The following ZNF92 variants were observed in gnomAD, a reference collection of about 807,000 sequenced individuals.
ZNF92 encodes the protein epididymis luminal protein 203.
Under a neutral mutation model 12.4 loss-of-function variants are expected in ZNF92, and 11 were observed. The observed-to-expected ratio is 0.89, with a 90% CI of 0.56 to 1.47. The LOEUF (loss-of-function observed/expected upper bound fraction) is 1.47, where lower values mean the gene tolerates loss of function less well. Among genes scored for constraint, ZNF92 ranks in the 40% most tolerant of loss-of-function variants. The pLI, the probability that ZNF92 is intolerant of heterozygous loss-of-function variation, is 0.00. For synonymous variants in ZNF92, 206 were observed against 228.6 expected (o/e 0.90, Z 0.89); for missense variants, 622 against 681.0 (o/e 0.91, Z 0.96).
In ZNF92 at chr7:65,399,748, C is replaced by G. The variant is rs1403653805; in HGVS notation, c.1634C>G (p.Ala545Gly). 5 of 1,613,414 alleles carry G rather than the reference C, an allele frequency of 3.1e-6. No individual in the cohort carries two copies. The African/African-American group carries it at 6.7e-5, about 22-fold the overall frequency. The change falls in exon 4 of 4, where the codon GCC becomes GGC. Residue 545 changes from alanine (A) to glycine (G), a missense_variant. Ala to Gly is a moderately conservative substitution (Grantham distance 60, BLOSUM62 0). Coordinates refer to ENST00000328747, the MANE Select transcript of ZNF92 (RefSeq NM_152626.4). ...KPYKYEECDK[A>G]FNKFSTLITH... ...TACAAATATGAAGAATGTGACAAAG[C>G]CTTTAACAAGTTCTCAACCCTTATT...
At chr7:65,394,413 G>C (rs145058352) in intron 3 of ZNF92, among the ~76,000 whole-genome samples, 1 of 151,932 alleles carries the variant, frequency 6.6e-6, no homozygotes, top group East Asian at 1.9e-4. Context: ...CTCTTTATCT[G>C]TCTTTGTGTC....
intron 2 of ZNF92, among the ~76,000 whole-genome samples, chr7:65,388,578 C>T (rs1793631653): frequency 6.6e-6 from 1 of 151,630 alleles, no homozygotes; most frequent in Admixed American, 6.6e-5. Flanking sequence ...GCAGAGATTG[C>T]AGTGAGCTGA....
rs536128509 is a variant in ZNF92 at position 65,389,111 on chromosome 7, C to A, written c.226+210C>A. 1.9e-3 allele frequency among the ~76,000 whole-genome samples: 296 copies of A among 152,118 alleles called. 3 individuals are homozygous for A. The highest frequency in any genetic ancestry group is 6.7e-3 in the African/African-American group (279 of 41,488). ...AGTAGCTGGGATTACAGGCACCCAC[C>A]ACCATGCCTGGCTAATTTTGTATTT... On this transcript the variant is annotated intron_variant, in intron 3 of 3. Coordinates refer to ENST00000328747, the MANE Select transcript of ZNF92 (RefSeq NM_152626.4).
intron 3 of ZNF92, 144 bp downstream of exon 3, chr7:65,389,045 T>C (rs1793644731): frequency 1.8e-6 from 1 of 558,262 alleles, no homozygotes; most frequent in East Asian, 5.9e-5. Flanking sequence ...CTGCAACCTC[T>C]GCCTCCCAGG....
intron 1 of ZNF92, among the ~76,000 whole-genome samples, chr7:65,376,580 G>T (rs2116330371): frequency 6.6e-6 from 1 of 152,150 alleles, no homozygotes; most frequent in South Asian, 2.1e-4. Context: ...CTGAGTAGCT[G>T]ACATTACAGG....
At position 65,400,158 on chromosome 7, in the gene ZNF92, T is replaced by C; in HGVS notation, c.*283T>C. On this transcript the variant is annotated 3_prime_UTR_variant, in exon 4 of 4. Transcript: ENST00000328747. ...ATCTGCTCACATGTAAAAACATCAGTTCATACTTAATAAAATGCAATTACC... is the reference window on the plus strand; with the variant it reads ...ATCTGCTCACATGTAAAAACATCAGCTCATACTTAATAAAATGCAATTACC... The C allele has an allele frequency of 4.1e-6, 1 of 245,450 alleles. No homozygotes were observed. The highest frequency in any genetic ancestry group is 7.8e-6 in the Non-Finnish European group (1 of 127,426). The allele number at this position is 245,450 out of a possible 1,614,324, so 15.2% of individuals were successfully genotyped here. A position where few individuals can be genotyped will look rare whatever the true frequency, so the allele number is the denominator to read the frequency against.
chr7:65,386,112 C>G (rs572529289), intron 1 of ZNF92, among the ~76,000 whole-genome samples: 3 of 151,974 alleles, frequency 2.0e-5, no homozygotes, highest in South Asian at 2.1e-4. Flanking sequence ...CTCTGCCTCC[C>G]GGGTTCAAGC....
At chr7:65,376,184 A>G (rs1793231141) in intron 1 of ZNF92, among the ~76,000 whole-genome samples, 1 of 152,008 alleles carries the variant, frequency 6.6e-6, no homozygotes, top group Non-Finnish European at 1.5e-5. Context: ...AAGTGCTAGG[A>G]TTACAGGCGT....
chr7:65,389,552 C>G (rs933195691), intron 3 of ZNF92, among the ~76,000 whole-genome samples: 1 of 151,858 alleles, frequency 6.6e-6, no homozygotes, highest in Non-Finnish European at 1.5e-5. Flanking sequence ...GAGTCTCGCT[C>G]TGTCGCCAGG....
Position 65,375,894 on chromosome 7 carries a change from A to G in ZNF92, c.3+1894A>G, listed in dbSNP as rs375370319. On this transcript the variant is annotated intron_variant, in intron 1 of 3. Coordinates refer to ENST00000328747, the MANE Select transcript of ZNF92 (RefSeq NM_152626.4). ...GAGATGGTACAAGAACTTGCAAAGT[A>G]AAATACACCTGGGGTATAGTGTCTT... Among the ~76,000 whole-genome samples the G allele has an allele frequency of 4.9e-4, 74 of 152,222 alleles. 1 individual carries two copies. Among genetic ancestry groups the G allele is most frequent in the African/African-American group, 1.7e-3 (71 of 41,542 alleles).
chr7:65,382,156 A>G (rs556828725), intron 1 of ZNF92, among the ~76,000 whole-genome samples: 2 of 152,178 alleles, frequency 1.3e-5, no homozygotes, highest in African/African-American at 2.4e-5. Flanking sequence ...AGGATGAACT[A>G]TGTATAACAT....
At chr7:65,388,717 T>G (rs1793634265) in intron 2 of ZNF92, 89 bp from the exon 3 acceptor site, 6 of 1,014,412 alleles carry the variant, frequency 5.9e-6, no homozygotes, top group Non-Finnish European at 8.5e-6. Flanking sequence ...ACTAGATTAA[T>G]CTATTGCATC....
chr7:65,396,895 G>A (rs964625984), intron 3 of ZNF92, among the ~76,000 whole-genome samples: 1 of 151,674 alleles, frequency 6.6e-6, no homozygotes, highest in African/African-American at 2.4e-5. Flanking sequence ...TTTTTTTCTT[G>A]TTTTTAAAGT....
chr7:65,393,868 T>C (rs1793785751), intron 3 of ZNF92, among the ~76,000 whole-genome samples: 1 of 152,102 alleles, frequency 6.6e-6, no homozygotes, highest in Admixed American at 6.5e-5. Context: ...TGATAAACTT[T>C]ATATGATAAA....
At chr7:65,385,571 T>A (rs1793540332) in intron 1 of ZNF92, among the ~76,000 whole-genome samples, 1 of 152,092 alleles carries the variant, frequency 6.6e-6, no homozygotes, top group African/African-American at 2.4e-5. Context: ...TTAGCAAAAA[T>A]TGTTGGTGTC....
At chr7:65,395,796 C>T (rs546100129) in intron 3 of ZNF92, among the ~76,000 whole-genome samples, 1 of 152,222 alleles carries the variant, frequency 6.6e-6, no homozygotes, top group South Asian at 2.1e-4. Context: ...ATTATGACTG[C>T]CTCACCCAAT....
rs1793984547 is a variant in ZNF92 at position 65,400,447 on chromosome 7, GTTCATACTAAAATATATTT to G, written c.*575_*593del. On this transcript the variant is annotated 3_prime_UTR_variant, in exon 4 of 4. Coordinates refer to ENST00000328747, the MANE Select transcript of ZNF92 (RefSeq NM_152626.4). ...ACTACAGCTTGGAAAACATCAGAGA[GTTCATACTAAAATATATTT>G]TTGCAGATGCAGTAAATATGAAAAA... 6.6e-6 allele frequency: 1 copy of G among 151,868 alleles called. No homozygotes were observed. Among genetic ancestry groups the G allele is most frequent in the Admixed American group, 6.6e-5 (1 of 15,248 alleles). The allele number at this position is 151,868 out of a possible 1,614,324, so 9.4% of individuals were successfully genotyped here.
chr7:65,397,720 A>C lies in ZNF92; in HGVS notation c.227-621A>C, dbSNP rs78151213. 9.2e-3 allele frequency among the ~76,000 whole-genome samples: 1,398 copies of C among 152,174 alleles called. 9 individuals carry two copies. The highest frequency in any genetic ancestry group is 0.014 in the Non-Finnish European group (948 of 67,986). On this transcript the variant is annotated intron_variant, in intron 3 of 3. Coordinates refer to ENST00000328747, the MANE Select transcript of ZNF92 (RefSeq NM_152626.4). Reference sequence around the variant, plus strand: ...ATGTTCTTAGGATGTGCCTTGTCTGAAATTTTGTGTTTACTTTTTAGTTAA... The same window carrying C: ...ATGTTCTTAGGATGTGCCTTGTCTGCAATTTTGTGTTTACTTTTTAGTTAA...
chr7:65,381,029 T>G (rs1793396770), intron 1 of ZNF92, among the ~76,000 whole-genome samples: 1 of 152,008 alleles, frequency 6.6e-6, no homozygotes, highest in African/African-American at 2.4e-5. Flanking sequence ...TCTTTTCTTT[T>G]TGGAGATGGA....
Sources: gnomAD v4.1 joint callset for allele counts (sites outside exome capture counted in the v4.1 genomes callset) on GRCh38, gnomAD v4.1.1 for gene constraint, MANE v1.5 for transcripts, NCBI Gene and HGNC (gene_info 2026-07-23, HGNC 2026-07-21) for gene names.